The following PDXDC1 variants were observed in gnomAD, a reference collection of about 807,000 sequenced individuals.
The protein encoded by PDXDC1 is pyridoxal dependent decarboxylase domain containing 1, also known as pyridoxal-dependent decarboxylase domain-containing protein 1.
PDXDC1 carries 42 observed loss-of-function variants against 100.1 expected under a neutral mutation model. That is an observed-to-expected ratio of 0.42 (90% CI 0.33 to 0.54). PDXDC1 has a LOEUF of 0.54. Ranked by LOEUF, PDXDC1 falls within the 20% of genes least tolerant of loss-of-function variation. The pLI, the probability that PDXDC1 is intolerant of heterozygous loss-of-function variation, is 0.10. For synonymous variants in PDXDC1, 260 were observed against 371.7 expected, an observed-to-expected ratio of 0.70 and a Z score of 3.46; for missense variants, 636 against 979.2, an observed-to-expected ratio of 0.65 and a Z score of 4.68.
intron 16 of PDXDC1, among the ~76,000 whole-genome samples, chr16:15,056,549 G>C (rs548315861): frequency 6.6e-6 from 1 of 152,304 alleles, no homozygotes; most frequent in East Asian, 1.9e-4. Context: ...GCCGAGGCAG[G>C]AGGATCGCTT....
intron 1 of PDXDC1, among the ~76,000 whole-genome samples, chr16:14,990,715 C>A (rs1273022425): frequency 6.6e-6 from 1 of 152,402 alleles, no homozygotes; most frequent in Middle Eastern, 3.4e-3. Context: ...CCTGGGCTTA[C>A]TCCCTGAAGA....
chr16:15,093,233 A>G (rs928507794), intron 16 of PDXDC1, among the ~76,000 whole-genome samples: 10 of 152,110 alleles, frequency 6.6e-5, no homozygotes, highest in Non-Finnish European at 7.4e-5. Context: ...CCAACTCCTG[A>G]CTTCAGATGA....
In PDXDC1 at chr16:15,136,669, G is replaced by A. The variant is rs962852006; in HGVS notation, c.1400-2210G>A. On this transcript the variant is annotated intron_variant, in intron 16 of 16. Transcript: ENST00000535621. ...ACACTGCTCCTGCGCCTGCAGCCAG[G>A]CCGCCTTCTCCACCACCAGGCGGTA... 7 of 988,268 alleles carry A rather than the reference G, an allele frequency of 7.1e-6. No individual in the cohort carries two copies. The African/African-American group carries it at 8.0e-5, about 11-fold the overall frequency. The allele number at this position is 988,268 out of a possible 1,614,324, so 61.2% of individuals were successfully genotyped here.
intron 13 of PDXDC1, among the ~76,000 whole-genome samples, chr16:15,024,307 C>A (rs1597595777): frequency 6.6e-6 from 1 of 152,242 alleles, no homozygotes; most frequent in South Asian, 2.1e-4. Flanking sequence ...GTACTAAGTA[C>A]CTTACATGAA....
chr16:15,055,041 C>T (rs1008700543), intron 16 of PDXDC1, among the ~76,000 whole-genome samples: 2 of 152,132 alleles, frequency 1.3e-5, no homozygotes, highest in Non-Finnish European at 2.9e-5. Flanking sequence ...AGACTATAAA[C>T]ACTCCGAGGG....
the PDXDC1 span, among the ~76,000 whole-genome samples, chr16:15,147,480 A>G: frequency 6.6e-6 from 1 of 152,204 alleles, no homozygotes; most frequent in African/African-American, 2.4e-5. Flanking sequence ...CAGAGGGCTC[A>G]GCGCAGGGCC....
At chr16:15,048,038 T>A (rs577076844) in intron 16 of PDXDC1, 21 of 1,613,682 alleles carry the variant, frequency 1.3e-5, no homozygotes, top group South Asian at 3.3e-5. Context: ...TTGCTGAACA[T>A]ACAGAAGGCC....
In PDXDC1 at chr16:15,028,978, AG is replaced by A; in HGVS notation, c.1293+13del. ...CGCTGAATCGCTGGGTGAGAATGGC[AG>A]TCACCCCCCTTTCCTTTCAGGTCCC... On this transcript the variant is annotated intron_variant, in intron 15 of 22. Coordinates refer to ENST00000396410, the MANE Select transcript of PDXDC1 (RefSeq NM_015027.4). 2 of 1,610,594 alleles carry A rather than the reference AG, an allele frequency of 1.2e-6. No homozygotes were observed. The highest frequency in any genetic ancestry group is 1.7e-6 in the Non-Finnish European group (2 of 1,179,272).
intron 1 of PDXDC1, among the ~76,000 whole-genome samples, chr16:14,980,742 G>C (rs1264930713): frequency 1.3e-5 from 2 of 152,278 alleles, no homozygotes; most frequent in Non-Finnish European, 2.9e-5. Context: ...TGGGATTACA[G>C]GCATGAGCCA....
At chr16:15,030,664 G>C (rs1050201915) in intron 16 of PDXDC1, among the ~76,000 whole-genome samples, 1 of 150,684 alleles carries the variant, frequency 6.6e-6, no homozygotes, top group Non-Finnish European at 1.5e-5. Context: ...GCTCACTGCA[G>C]CCTTGACCTC....
At chr16:15,023,991 T>C (rs949487112) in intron 13 of PDXDC1, among the ~76,000 whole-genome samples, 7 of 152,290 alleles carry the variant, frequency 4.6e-5, no homozygotes, top group African/African-American at 1.7e-4. Flanking sequence ...CAGGCGGTGC[T>C]GGGCCCATCT....
intron 16 of PDXDC1, chr16:15,076,531 C>T (rs2045461404): frequency 4.2e-6 from 6 of 1,444,220 alleles, no homozygotes; most frequent in Non-Finnish European, 5.9e-6. Flanking sequence ...TAAACTTCAT[C>T]TCCACTTTCA....
chr16:15,021,213 C>G (rs2042177574), intron 12 of PDXDC1, among the ~76,000 whole-genome samples: 1 of 152,116 alleles, frequency 6.6e-6, no homozygotes, highest in Non-Finnish European at 1.5e-5. Context: ...CCTGTCTCTA[C>G]AAAAAATACA....
At chr16:15,014,272 A>G (rs1486307523) in intron 8 of PDXDC1, among the ~76,000 whole-genome samples, 1 of 152,296 alleles carries the variant, frequency 6.6e-6, no homozygotes. Context: ...CAACAGGAAA[A>G]CCATCACTTC....
chr16:15,131,427 C>A, intron 16 of PDXDC1: 2 of 1,608,572 alleles, frequency 1.2e-6, no homozygotes, highest in Non-Finnish European at 1.7e-6. Flanking sequence ...TAGCCGGGGC[C>A]CTGCTGAAAG....
intron 16 of PDXDC1, among the ~76,000 whole-genome samples, chr16:15,053,788 G>C (rs1166880888): frequency 6.6e-6 from 1 of 152,148 alleles, no homozygotes; most frequent in Non-Finnish European, 1.5e-5. Flanking sequence ...GCATGCACCT[G>C]TAATCCCAGC....
In PDXDC1 at chr16:15,133,214, C is replaced by G. The variant is rs1309636961; in HGVS notation, c.1400-5665C>G. ...TCCAGGCAGGGGTACAGGTCTTGGT[C>G]CCCAGCACGCATGCAGCAGATGTGA... On this transcript the variant is annotated intron_variant, in intron 16 of 16. Transcript: ENST00000535621. The G allele has an allele frequency of 3.6e-5, 45 of 1,244,874 alleles. No individual in the cohort carries two copies. The East Asian group carries it at 1.1e-3, about 30-fold the overall frequency. The allele number at this position is 1,244,874 out of a possible 1,614,324, so 77.1% of individuals were successfully genotyped here.
chr16:15,109,855 TAAA>T (rs1177596848), intron 16 of PDXDC1, among the ~76,000 whole-genome samples: 2 of 107,586 alleles, frequency 1.9e-5, no homozygotes, highest in Non-Finnish European at 2.0e-5. Flanking sequence ...TCTCAAAATT[TAAA>T]AAAAAAAAAA....
At chr16:14,993,651 T>A (rs1372302918) in intron 1 of PDXDC1, among the ~76,000 whole-genome samples, 1 of 152,306 alleles carries the variant, frequency 6.6e-6, no homozygotes, top group Non-Finnish European at 1.5e-5. Context: ...CCTTTGGGTA[T>A]ATACCCAGTA....
Sources: gnomAD v4.1 joint callset for allele counts (sites outside exome capture counted in the v4.1 genomes callset) on GRCh38, gnomAD v4.1.1 for gene constraint, MANE v1.5 for transcripts, NCBI Gene and HGNC (gene_info 2026-07-23, HGNC 2026-07-21) for gene names.